Variants in STYX observed in about 807,000 individuals in gnomAD.
STYX encodes serine/threonine/tyrosine interacting protein, also known as serine/threonine/tyrosine-interacting protein.
Under a neutral mutation model 42.7 loss-of-function variants are expected in STYX, and 20 were observed. The ratio of observed to expected loss-of-function variants is 0.47; its 90% CI spans 0.33 to 0.68. STYX has a LOEUF of 0.68. STYX is among the 30% of genes least tolerant of loss of function. The pLI is 0.02. For missense variants in STYX, 226 were observed against 268.5 expected, an observed-to-expected ratio of 0.84 and a Z score of 1.11; for synonymous variants, 78 against 81.9, an observed-to-expected ratio of 0.95 and a Z score of 0.26.
chr14:52,768,564 CAGATGAAGTCAG>C (rs1882396096), intron 9 of STYX, among the ~76,000 whole-genome samples: 1 of 151,976 alleles, frequency 6.6e-6, no homozygotes, highest in African/African-American at 2.4e-5. Context: ...TTTTTTTAAA[CAGATGAAGTCAG>C]AGATCATTAT....
intron 1 of STYX, among the ~76,000 whole-genome samples, chr14:52,732,096 T>G (rs1387676188): frequency 4.1e-5 from 4 of 97,188 alleles, no homozygotes; most frequent in Admixed American, 1.1e-4. Flanking sequence ...TCATGGTTTT[T>G]TTTTTTTTTT....
At chr14:52,732,105 T>G (rs1367947395) in intron 1 of STYX, among the ~76,000 whole-genome samples, 2 of 144,348 alleles carry the variant, frequency 1.4e-5, no homozygotes, top group Non-Finnish European at 3.1e-5. Flanking sequence ...TTTTTTTTTT[T>G]TTTTTTTTGA....
chr14:52,733,511 A>G (rs971102057), intron 1 of STYX, among the ~76,000 whole-genome samples: 3 of 152,184 alleles, frequency 2.0e-5, no homozygotes, highest in Non-Finnish European at 2.9e-5. Flanking sequence ...TCAGATGGTA[A>G]TCACAAGTAG....
At chr14:52,756,789 G>A (rs571019822) in intron 5 of STYX, among the ~76,000 whole-genome samples, 178 bp downstream of exon 5, 75 of 146,250 alleles carry the variant, frequency 5.1e-4, no homozygotes, top group African/African-American at 1.8e-3. Flanking sequence ...CCGGGTTCAA[G>A]TGATTTTTCT....
chr14:52,746,604 G>A (rs1303121367), intron 3 of STYX, 125 bp downstream of exon 3: 1 of 758,822 alleles, frequency 1.3e-6, no homozygotes, highest in East Asian at 3.2e-5. Context: ...AACAGTAATT[G>A]TCACTCTGGA....
chr14:52,761,566 G>GTT (rs539782412), intron 9 of STYX, among the ~76,000 whole-genome samples: 1,663 of 100,838 alleles, frequency 0.016, 68 homozygotes, highest in South Asian at 0.034. Context: ...GTAGCCAAAA[G>GTT]TTTTTTTTTT....
At chr14:52,738,567 A>T (rs181028342) in intron 1 of STYX, among the ~76,000 whole-genome samples, 1 of 152,328 alleles carries the variant, frequency 6.6e-6, no homozygotes, top group Admixed American at 6.5e-5. Flanking sequence ...TAAAATTGAT[A>T]CTTCAGTGGC....
At chr14:52,763,277 T>A (rs1434979376) in intron 9 of STYX, among the ~76,000 whole-genome samples, 1 of 152,226 alleles carries the variant, frequency 6.6e-6, no homozygotes, top group African/African-American at 2.4e-5. Flanking sequence ...GAGTTCTACA[T>A]AGAATTAAGG....
intron 9 of STYX, among the ~76,000 whole-genome samples, chr14:52,763,225 T>C (rs1882169823): frequency 1.3e-5 from 2 of 152,188 alleles, no homozygotes; most frequent in African/African-American, 4.8e-5. Flanking sequence ...CAGGTCACTT[T>C]GGATGTATTT....
intron 4 of STYX, among the ~76,000 whole-genome samples, chr14:52,752,790 T>C (rs1350257959): frequency 6.6e-6 from 1 of 151,714 alleles, no homozygotes; most frequent in Non-Finnish European, 1.5e-5. Flanking sequence ...AACTTCATAG[T>C]GATTGCTTCT....
chr14:52,749,755 A>G (rs959074640), intron 3 of STYX, among the ~76,000 whole-genome samples: 1 of 152,242 alleles, frequency 6.6e-6, no homozygotes, highest in Non-Finnish European at 1.5e-5. Flanking sequence ...TGCTTTAAGT[A>G]TGGAGCCAAA....
chr14:52,730,664 G>A, intron 1 of STYX, 133 bp downstream of exon 1: 1 of 962,142 alleles, frequency 1.0e-6, no homozygotes, highest in Non-Finnish European at 1.5e-6. Flanking sequence ...CGGGACCTCT[G>A]AAGCCGAGCG....
intron 8 of STYX, among the ~76,000 whole-genome samples, chr14:52,759,468 T>C (rs950692383): frequency 1.3e-5 from 2 of 152,194 alleles, no homozygotes; most frequent in African/African-American, 4.8e-5. Context: ...GTAGGTGTTA[T>C]TAGACTCTTC....
chr14:52,742,029 A>T (rs933323101), intron 1 of STYX, among the ~76,000 whole-genome samples: 14 of 152,158 alleles, frequency 9.2e-5, no homozygotes, highest in Non-Finnish European at 1.9e-4. Context: ...TCTAGAGAAT[A>T]TGCATTTGCT....
At chr14:52,750,937 T>C (rs1005202947) in intron 4 of STYX, among the ~76,000 whole-genome samples, 157 bp downstream of exon 4, 4 of 152,118 alleles carry the variant, frequency 2.6e-5, no homozygotes, top group African/African-American at 9.6e-5. Context: ...AAATAAATTA[T>C]GCCCATAATG....
At chr14:52,768,205 A>G (rs1882384375) in intron 9 of STYX, among the ~76,000 whole-genome samples, 1 of 152,148 alleles carries the variant, frequency 6.6e-6, no homozygotes, top group South Asian at 2.1e-4. Context: ...TTTTATTGTG[A>G]AATTATAATA....
intron 1 of STYX, among the ~76,000 whole-genome samples, chr14:52,737,995 C>G (rs1202514961): frequency 6.6e-6 from 1 of 152,162 alleles, no homozygotes; most frequent in Non-Finnish European, 1.5e-5. Context: ...CCAGGATGGT[C>G]TCGATCTCCT....
At chr14:52,770,932 T>G (rs1307427713) in intron 10 of STYX, 101 bp from the exon 11 acceptor site, 1 of 827,170 alleles carries the variant, frequency 1.2e-6, no homozygotes, top group Non-Finnish European at 1.8e-6. Flanking sequence ...GGAATTTTCA[T>G]AGTGTATACA....
In STYX at chr14:52,755,987, A is replaced by G. The variant is rs150016843; in HGVS notation, c.243-564A>G. Among the ~76,000 whole-genome samples, 7 of 152,222 alleles carry G rather than the reference A, an allele frequency of 4.6e-5. No individual in the cohort carries two copies. In the East Asian group the frequency reaches 5.8e-4, roughly 13 times the overall value. On this transcript the variant is annotated intron_variant, in intron 4 of 10. Coordinates refer to ENST00000354586, the MANE Select transcript of STYX (RefSeq NM_145251.4). ...GTATCTTCCTGCTTGTGATTTTTCT[A>G]TTTTAACCAGATGGTTCATTATATG...
Sources: gnomAD v4.1 joint callset for allele counts (sites outside exome capture counted in the v4.1 genomes callset) on GRCh38, gnomAD v4.1.1 for gene constraint, MANE v1.5 for transcripts, NCBI Gene and HGNC (gene_info 2026-07-23, HGNC 2026-07-21) for gene names.